WWOX: variants seen among roughly 807,000 people sequenced by gnomAD.
WWOX encodes the protein WW domain containing oxidoreductase.
In WWOX, 69 loss-of-function variants were observed where a neutral mutation model predicts 46.2. The ratio of observed to expected loss-of-function variants is 1.49; its 90% confidence interval spans 1.23 to 1.82. The LOEUF (loss-of-function observed/expected upper bound fraction) is 1.82. Among genes scored for constraint, WWOX ranks in the 40% most tolerant of loss-of-function variants. The pLI, the probability that WWOX is intolerant of heterozygous loss-of-function variation, is 0.00. For synonymous variants in WWOX, 359 were observed against 202.6 expected, an observed-to-expected ratio of 1.77 and a Z score of -6.56; for missense variants, 919 against 542.6, an observed-to-expected ratio of 1.69 and a Z score of -6.89.
intron 8 of WWOX, among the ~76,000 whole-genome samples, chr16:78,657,359 A>G (rs943541050): frequency 1.3e-5 from 2 of 152,074 alleles, no homozygotes; most frequent in Admixed American, 6.5e-5. Flanking sequence ...TTGCTTCCTC[A>G]TAGTTCTCCC....
At chr16:78,127,642 C>T (rs1428422457) in intron 4 of WWOX, among the ~76,000 whole-genome samples, 1 of 151,896 alleles carries the variant, frequency 6.6e-6, no homozygotes, top group Admixed American at 6.6e-5. Context: ...TACCATGCAT[C>T]ATGGTAACAT....
In WWOX at chr16:78,361,568, ATTC is replaced by A. The variant is rs1186579008; in HGVS notation, c.517-25287_517-25285del. Among the ~76,000 whole-genome samples, 7 of 152,222 alleles carry A rather than the reference ATTC, an allele frequency of 4.6e-5. No individual in the cohort carries two copies. In the South Asian group the frequency reaches 1.5e-3, roughly 32 times the overall value. ...ACTCTTTTTATAGTCAGTAATTGGA[ATTC>A]TTCTGAAGAAAGAGCTATCCCTTCT... is the stretch of plus-strand genomic sequence containing the variant. On this transcript the variant is annotated intron_variant, in intron 5 of 8. Transcript: ENST00000566780.
At chr16:79,141,794 G>A (rs759422454) in intron 8 of WWOX, among the ~76,000 whole-genome samples, 3 of 151,878 alleles carry the variant, frequency 2.0e-5, no homozygotes, top group Non-Finnish European at 2.9e-5. Flanking sequence ...TTGGTGTTGT[G>A]ATAAGCCCGT....
intron 8 of WWOX, among the ~76,000 whole-genome samples, chr16:79,158,676 C>T (rs1279706345): frequency 1.3e-5 from 2 of 152,218 alleles, no homozygotes; most frequent in Non-Finnish European, 2.9e-5. Context: ...CCCAGCTTTG[C>T]ACACCTGATT....
chr16:78,417,015 C>T (rs1215830727), intron 6 of WWOX, among the ~76,000 whole-genome samples: 1 of 142,712 alleles, frequency 7.0e-6, no homozygotes, highest in African/African-American at 3.0e-5. Flanking sequence ...TGTGCAGTAG[C>T]CTTGAAGTCA....
chr16:78,996,398 A>G, intron 8 of WWOX: 2 of 776,894 alleles, frequency 2.6e-6, no homozygotes, highest in South Asian at 6.4e-5. Flanking sequence ...CAGCTTCCCC[A>G]CCTGTAAAAT....
At chr16:78,132,416 G>C (rs917582845) in intron 4 of WWOX, among the ~76,000 whole-genome samples, 2 of 152,352 alleles carry the variant, frequency 1.3e-5, no homozygotes, top group Admixed American at 6.5e-5. Context: ...AGTGAGTGCA[G>C]AGTCACCATC....
At chr16:78,621,841 A>C (rs1230840608) in intron 8 of WWOX, among the ~76,000 whole-genome samples, 2 of 151,854 alleles carry the variant, frequency 1.3e-5, no homozygotes, top group Non-Finnish European at 2.9e-5. Flanking sequence ...TCCTGACCTC[A>C]TGATCTGCCT....
intron 8 of WWOX, among the ~76,000 whole-genome samples, chr16:78,676,715 G>A (rs2047608380): frequency 6.6e-6 from 1 of 152,166 alleles, no homozygotes; most frequent in South Asian, 2.1e-4. Flanking sequence ...TCAGTTTAAA[G>A]CAAGTTCTCA....
rs557993062 is a variant in WWOX at position 78,665,631 on chromosome 16, T to G, written c.1056+232879T>G. ...GCCCTGTCAGGGTGGGTCCTAGTGG[T>G]AGGACAAAAGCAAGAATCCTGAGCT... On this transcript the variant is annotated intron_variant, in intron 8 of 8. Coordinates refer to ENST00000566780, the MANE Select transcript of WWOX (RefSeq NM_016373.4). 3.0e-3 allele frequency among the ~76,000 whole-genome samples: 461 copies of G among 152,148 alleles called. 3 individuals are homozygous for G. Among genetic ancestry groups the G allele is most frequent in the African/African-American group, 0.01 (431 of 41,520 alleles).
intron 8 of WWOX, among the ~76,000 whole-genome samples, chr16:78,473,878 T>G (rs1048524039): frequency 6.6e-6 from 1 of 152,168 alleles, no homozygotes; most frequent in Non-Finnish European, 1.5e-5. Context: ...ACGCTGCCAT[T>G]CTTCTTCGCC....
At chr16:79,023,305 T>C (rs7194121) in intron 8 of WWOX, among the ~76,000 whole-genome samples, 3,151 of 152,244 alleles carry the variant, frequency 0.021, 112 homozygotes, top group African/African-American at 0.072. Flanking sequence ...GAATTCAGAG[T>C]GCTTTATAGA....
intron 8 of WWOX, among the ~76,000 whole-genome samples, chr16:78,732,981 C>T (rs182730689): frequency 9.2e-5 from 14 of 152,234 alleles, no homozygotes; most frequent in East Asian, 1.9e-4. Context: ...ATTTCCTTCT[C>T]GTCTTTTCTT....
At chr16:78,127,588 T>C (rs1597238612) in intron 4 of WWOX, among the ~76,000 whole-genome samples, 2 of 150,830 alleles carry the variant, frequency 1.3e-5, no homozygotes, top group Admixed American at 6.6e-5. Context: ...ATATTAAACT[T>C]GGGGGAAAAA....
intron 8 of WWOX, among the ~76,000 whole-genome samples, chr16:79,107,268 G>C (rs888377085): frequency 1.3e-5 from 2 of 148,858 alleles, no homozygotes; most frequent in African/African-American, 2.5e-5. Context: ...TGTTATTTTT[G>C]ATCTCATCCT....
chr16:79,205,012 C>CT (rs2051461326), intron 8 of WWOX: 1 of 152,164 alleles, frequency 6.6e-6, no homozygotes, highest in African/African-American at 2.4e-5. Flanking sequence ...CTTTGTATGA[C>CT]ACTTCCTTCT....
At chr16:78,330,133 A>G (rs59477284) in intron 5 of WWOX, among the ~76,000 whole-genome samples, 16,901 of 152,208 alleles carry the variant, frequency 0.11, 1,235 homozygotes, top group East Asian at 0.25. Flanking sequence ...CTAAATGCCT[A>G]AACGTTTGAA....
chr16:78,794,484 C>T (rs1009638289), intron 8 of WWOX, among the ~76,000 whole-genome samples: 2 of 151,864 alleles, frequency 1.3e-5, no homozygotes, highest in African/African-American at 2.4e-5. Context: ...TCTATGTGTC[C>T]TTAGGCAAAA....
At chr16:78,745,765 T>A (rs2049333964) in intron 8 of WWOX, among the ~76,000 whole-genome samples, 1 of 150,330 alleles carries the variant, frequency 6.7e-6, no homozygotes, top group Middle Eastern at 3.2e-3. Flanking sequence ...CCTCCTCTTT[T>A]TCCCCCCCCT....
Sources: allele counts gnomAD v4.1 joint callset (sites outside exome capture counted in the v4.1 genomes callset), GRCh38; gene constraint gnomAD v4.1.1; transcripts MANE v1.5; gene names NCBI Gene and HGNC (gene_info 2026-07-23, HGNC 2026-07-21).